The following CPO variants were observed in gnomAD, a reference collection of about 807,000 sequenced individuals.
The protein encoded by CPO is carboxypeptidase O, also known as metallocarboxypeptidase C.
A neutral mutation model predicts 41.2 loss-of-function variants in CPO; 43 were observed. The observed-to-expected ratio is 1.04, with a 90% CI of 0.82 to 1.35. The LOEUF (loss-of-function observed/expected upper bound fraction) is 1.35. CPO is among the 40% of genes most tolerant of loss of function. The probability of loss-of-function intolerance (pLI) is 0.00; values close to 1 mark genes in which losing one functional copy is unlikely to be tolerated. For synonymous variants in CPO, 178 were observed against 162.7 expected, an observed-to-expected ratio of 1.09 and a Z score of -0.72; for missense variants, 408 against 451.7, an observed-to-expected ratio of 0.90 and a Z score of 0.88.
chr2:206,949,239 T>G (rs888881897), intron 1 of CPO, among the ~76,000 whole-genome samples: 6 of 152,206 alleles, frequency 3.9e-5, no homozygotes, highest in African/African-American at 1.4e-4. Flanking sequence ...CTCAGAGTTT[T>G]AGAGAGAAAT....
At position 206,945,599 on chromosome 2, in the gene CPO, T is replaced by C. The variant is rs564864748; in HGVS notation, c.69-4018T>C. On this transcript the variant is annotated intron_variant, in intron 1 of 8. Transcript: ENST00000272852. ...TTCCTCATTTGTAACATATGGAGAA[T>C]AACAATTTACAGAGTTGTAGTGAGA... Among the ~76,000 whole-genome samples, 7 of 152,302 alleles carry C rather than the reference T, an allele frequency of 4.6e-5. No individual in the cohort carries two copies. The South Asian group carries it at 1.5e-3, about 32-fold the overall frequency.
At position 206,958,422 on chromosome 2, in the gene CPO, T is replaced by G. The variant is rs756968012; in HGVS notation, c.372+17T>G. ...GTCAAAGAAGTAAGTGTCTTTAGCTTTCTCATACTGGTAAATCACCCCCAT... is the reference window on the plus strand; with the variant it reads ...GTCAAAGAAGTAAGTGTCTTTAGCTGTCTCATACTGGTAAATCACCCCCAT... On this transcript the variant is annotated intron_variant, in intron 4 of 8. Coordinates refer to ENST00000272852, the MANE Select transcript of CPO (RefSeq NM_173077.3). The G allele has an allele frequency of 7.3e-7, 1 of 1,365,348 alleles. No individual in the cohort carries two copies. Among genetic ancestry groups the G allele is most frequent in the African/African-American group, 1.4e-5 (1 of 69,192 alleles). 84.6% of individuals were successfully genotyped at this position (1,365,348 alleles called of 1,614,324 possible).
In CPO at chr2:206,953,721, A is replaced by G. The variant is rs1693308640; in HGVS notation, c.166-1742A>G. Among the ~76,000 whole-genome samples the G allele has an allele frequency of 2.0e-5, 3 of 152,158 alleles. No homozygotes were observed. The South Asian group carries it at 6.2e-4, about 32-fold the overall frequency. On this transcript the variant is annotated intron_variant, in intron 2 of 8. Coordinates refer to ENST00000272852, the MANE Select transcript of CPO (RefSeq NM_173077.3). ...AGTGGGGACTCTAAGTGGAGTTCCAACCCCACATTTCCTTTCTGAACTGCC... is the reference window on the plus strand; with the variant it reads ...AGTGGGGACTCTAAGTGGAGTTCCAGCCCCACATTTCCTTTCTGAACTGCC...
chr2:206,957,994 G>A (rs868385004), intron 3 of CPO, among the ~76,000 whole-genome samples: 3 of 152,288 alleles, frequency 2.0e-5, no homozygotes, highest in Middle Eastern at 3.4e-3. Flanking sequence ...TGTGGATTAG[G>A]GGTTATGCCT....
At chr2:206,964,018 A>G (rs544286874) in intron 7 of CPO, among the ~76,000 whole-genome samples, 1 of 152,134 alleles carries the variant, frequency 6.6e-6, no homozygotes, top group South Asian at 2.1e-4. Context: ...TTATCTTTTT[A>G]TTTTTTTAAA....
Position 206,962,279 on chromosome 2 carries a change from T to A in CPO, c.575-133T>A. 3 of 742,994 alleles carry A rather than the reference T, an allele frequency of 4.0e-6. No individual in the cohort carries two copies. The South Asian group carries it at 5.1e-5, about 13-fold the overall frequency. 46.0% of individuals were successfully genotyped at this position (742,994 alleles called of 1,614,324 possible). ...ACTATCCAAGTTGACTAATTTAGCC[T>A]GGACTAACTCAGACAACCAAGGGCA... On this transcript the variant is annotated intron_variant, in intron 6 of 8. Coordinates refer to ENST00000272852, the MANE Select transcript of CPO (RefSeq NM_173077.3).
chr2:206,942,943 T>A (rs1012230129), intron 1 of CPO, among the ~76,000 whole-genome samples: 2 of 152,164 alleles, frequency 1.3e-5, no homozygotes, highest in African/African-American at 2.4e-5. Context: ...GACCATTCAC[T>A]TTTTTTGCAT....
At chr2:206,953,142 C>T (rs918435608) in intron 2 of CPO, among the ~76,000 whole-genome samples, 3 of 152,156 alleles carry the variant, frequency 2.0e-5, no homozygotes, top group African/African-American at 7.2e-5. Context: ...CTGGCCCTTC[C>T]CAAATCTCAT....
rs1401221175 is a variant in CPO, at chr2:206,955,687, C to T, written c.267+123C>T. ...CTATGCAGAATCAGTTTGCTTTTTC[C>T]ACCCCAAATGGGGCTCTTAAAGTTC... On this transcript the variant is annotated intron_variant, in intron 3 of 8. Coordinates refer to ENST00000272852, the MANE Select transcript of CPO (RefSeq NM_173077.3). The T allele has an allele frequency of 3.6e-5, 24 of 672,526 alleles. No individual in the cohort carries two copies. In the East Asian group the frequency reaches 6.1e-4, roughly 17 times the overall value. 41.7% of individuals were successfully genotyped at this position (672,526 alleles called of 1,614,324 possible).
intron 6 of CPO, among the ~76,000 whole-genome samples, chr2:206,961,401 G>T (rs919183935): frequency 1.3e-5 from 2 of 152,140 alleles, no homozygotes; most frequent in South Asian, 4.1e-4. Context: ...GGCTGAGAAC[G>T]TTGCCATTAA....
At position 206,965,646 on chromosome 2, in the gene CPO, C is replaced by G. The variant is rs1002340627; in HGVS notation, c.778-2617C>G. ...ACTCCATCCCAAGCTCTGCTGCCCC[C>G]ACCCCTACTAGGCCAGAGCTTTATT... On this transcript the variant is annotated intron_variant, in intron 7 of 8. Transcript: ENST00000272852. 1.2e-4 allele frequency among the ~76,000 whole-genome samples: 18 copies of G among 152,238 alleles called. No individual in the cohort carries two copies. In the East Asian group the frequency reaches 2.1e-3, roughly 18 times the overall value.
rs868109063 is a variant in CPO at position 206,957,106 on chromosome 2, G to A, written c.268-1195G>A. Among the ~76,000 whole-genome samples, 17 of 152,238 alleles carry A rather than the reference G, an allele frequency of 1.1e-4. No individual in the cohort carries two copies. The East Asian group carries it at 2.1e-3, about 19-fold the overall frequency. On this transcript the variant is annotated intron_variant, in intron 3 of 8. Coordinates refer to ENST00000272852, the MANE Select transcript of CPO (RefSeq NM_173077.3). Reference sequence around the variant, plus strand: ...ATTATAGGAGGACATTGGCGGGTGCGGTGGCTCATGCCTGTAATCCCAGCA... The same window carrying A: ...ATTATAGGAGGACATTGGCGGGTGCAGTGGCTCATGCCTGTAATCCCAGCA...
At chr2:206,953,170 C>T (rs1693297105) in intron 2 of CPO, among the ~76,000 whole-genome samples, 1 of 152,192 alleles carries the variant, frequency 6.6e-6, no homozygotes, top group African/African-American at 2.4e-5. Flanking sequence ...CATTTCAAAA[C>T]TAATCATGCC....
intron 2 of CPO, among the ~76,000 whole-genome samples, chr2:206,951,260 T>C (rs781673964): frequency 1.6e-4 from 24 of 152,232 alleles, no homozygotes; most frequent in Non-Finnish European, 3.1e-4. Flanking sequence ...AACTGAATTG[T>C]AGCTTCCCCT....
chr2:206,966,051 TA>T (rs1442015339), intron 7 of CPO, among the ~76,000 whole-genome samples: 1 of 152,164 alleles, frequency 6.6e-6, no homozygotes, highest in Non-Finnish European at 1.5e-5. Context: ...TGCTTCCGCA[TA>T]GTAATTCCTC....
chr2:206,945,159 T>A (rs1389695292), intron 1 of CPO, among the ~76,000 whole-genome samples: 2 of 152,110 alleles, frequency 1.3e-5, no homozygotes, highest in Non-Finnish European at 2.9e-5. Flanking sequence ...AATAAAGAAA[T>A]GAAGACTTAG....
chr2:206,965,756 G>A (rs554472484), intron 7 of CPO, among the ~76,000 whole-genome samples: 7 of 152,094 alleles, frequency 4.6e-5, no homozygotes, highest in African/African-American at 1.7e-4. Flanking sequence ...CGGGCCGGAG[G>A]TTTTTACAAA....
In CPO at chr2:206,961,849, T is replaced by TGGGGA. The variant is rs555629076; in HGVS notation, c.575-560_575-556dup. ...GCTCATGCCTGTAATCCCAGCACTT[T>TGGGGA]GGGGAGGCCGAGGTGGGCAGATCTC... On this transcript the variant is annotated intron_variant, in intron 6 of 8. Coordinates refer to ENST00000272852, the MANE Select transcript of CPO (RefSeq NM_173077.3). 3.5e-3 allele frequency among the ~76,000 whole-genome samples: 535 copies of TGGGGA among 151,680 alleles called. 2 individuals are homozygous for TGGGGA. The highest frequency in any genetic ancestry group is 8.4e-3 in the Admixed American group (128 of 15,210).
At position 206,969,463 on chromosome 2, in the gene CPO, C is replaced by G. The variant is rs776478313; in HGVS notation, c.*27C>G. 2.5e-6 allele frequency: 4 copies of G among 1,608,168 alleles called. No individual in the cohort carries two copies. In the African/African-American group the frequency reaches 5.3e-5, roughly 21 times the overall value. ...TGCATTCTGCCCAGGCCTGCTCAAC[C>G]CCAGTGGCATGAGTGTGGCTGGAGG... On this transcript the variant is annotated 3_prime_UTR_variant, in exon 9 of 9. Coordinates refer to ENST00000272852, the MANE Select transcript of CPO (RefSeq NM_173077.3).
Sources: gnomAD v4.1 joint callset for allele counts (sites outside exome capture counted in the v4.1 genomes callset) on GRCh38, gnomAD v4.1.1 for gene constraint, MANE v1.5 for transcripts, NCBI Gene and HGNC (gene_info 2026-07-23, HGNC 2026-07-21) for gene names.